Variants in CRY1 observed in about 807,000 individuals in gnomAD.
CRY1 encodes the protein cryptochrome circadian regulator 1, also known as cryptochrome-1.
CRY1 carries 45 observed loss-of-function variants against 76.0 expected under a neutral mutation model. The observed-to-expected ratio is 0.59, with a 90% CI of 0.47 to 0.76. The LOEUF is 0.76. Ranked by LOEUF, CRY1 falls within the 30% of genes least tolerant of loss-of-function variation. The pLI is 0.00. For missense variants in CRY1, 587 were observed against 716.4 expected, an observed-to-expected ratio of 0.82 and a Z score of 2.06; for synonymous variants, 248 against 244.0, an observed-to-expected ratio of 1.02 and a Z score of -0.15.
chr12:107,083,460 C>T (rs752901682), intron 1 of CRY1, among the ~76,000 whole-genome samples: 6 of 152,068 alleles, frequency 3.9e-5, no homozygotes, highest in African/African-American at 1.2e-4. Context: ...ACTGGCAAAC[C>T]GAATCTAGCA....
chr12:107,091,371 C>T (rs1953469839), intron 1 of CRY1, among the ~76,000 whole-genome samples: 1 of 152,170 alleles, frequency 6.6e-6, no homozygotes, highest in African/African-American at 2.4e-5. Context: ...AATCTGCCAA[C>T]AAATACCCTG....
chr12:107,069,392 T>C (rs1006649504), intron 1 of CRY1, among the ~76,000 whole-genome samples: 4 of 151,316 alleles, frequency 2.6e-5, no homozygotes, highest in Non-Finnish European at 5.9e-5. Context: ...GCCCAGCTAA[T>C]TTTTTGTATA....
intron 1 of CRY1, among the ~76,000 whole-genome samples, chr12:107,064,865 G>A (rs1356395465): frequency 6.6e-6 from 1 of 152,206 alleles, no homozygotes. Flanking sequence ...AATTCCACCA[G>A]ATTATCATGC....
intron 1 of CRY1, among the ~76,000 whole-genome samples, chr12:107,044,811 A>G (rs933221392): frequency 6.6e-6 from 1 of 152,220 alleles, no homozygotes; most frequent in Admixed American, 6.5e-5. Context: ...AAGTTATTTG[A>G]AATTTGTCAT....
At chr12:107,092,318 C>T (rs560211843) in intron 1 of CRY1, among the ~76,000 whole-genome samples, 12 of 152,314 alleles carry the variant, frequency 7.9e-5, no homozygotes, top group African/African-American at 2.9e-4. Flanking sequence ...AATGCTGTTT[C>T]CCTTGCTTTT....
At chr12:107,072,025 T>C (rs1325049825) in intron 1 of CRY1, among the ~76,000 whole-genome samples, 1 of 152,184 alleles carries the variant, frequency 6.6e-6, no homozygotes, top group East Asian at 1.9e-4. Context: ...ATTGGAAGAA[T>C]ATAGGAGTAT....
chr12:107,047,585 A>C (rs1167118084), intron 1 of CRY1, among the ~76,000 whole-genome samples: 1 of 152,112 alleles, frequency 6.6e-6, no homozygotes, highest in Non-Finnish European at 1.5e-5. Flanking sequence ...ATGATTTTAT[A>C]AGAAGCTTCC....
At chr12:107,085,002 G>T (rs1231509021) in intron 1 of CRY1, among the ~76,000 whole-genome samples, 3 of 151,278 alleles carry the variant, frequency 2.0e-5, no homozygotes, top group Non-Finnish European at 2.9e-5. Context: ...CAAAAAGTGG[G>T]TGAAGGATAT....
At chr12:107,064,983 A>G (rs1248552000) in intron 1 of CRY1, among the ~76,000 whole-genome samples, 1 of 152,108 alleles carries the variant, frequency 6.6e-6, no homozygotes, top group African/African-American at 2.4e-5. Context: ...AGGACTGCTG[A>G]TAAGTTCTGA....
At chr12:107,046,354 A>G (rs1481047374) in intron 1 of CRY1, among the ~76,000 whole-genome samples, 1 of 152,064 alleles carries the variant, frequency 6.6e-6, no homozygotes, top group Admixed American at 6.6e-5. Context: ...AATCACTATC[A>G]CGTAAATATG....
intron 1 of CRY1, among the ~76,000 whole-genome samples, chr12:107,072,550 A>G (rs1953202500): frequency 6.6e-6 from 1 of 152,200 alleles, no homozygotes; most frequent in African/African-American, 2.4e-5. Flanking sequence ...TGTTATTTAT[A>G]CTGTTGGGGG....
intron 2 of CRY1, among the ~76,000 whole-genome samples, chr12:107,019,052 A>C (rs1406176219): frequency 6.6e-6 from 1 of 152,184 alleles, no homozygotes; most frequent in Non-Finnish European, 1.5e-5. Context: ...TTACCTATTA[A>C]AAATCCTCAC....
chr12:107,086,109 A>T (rs1953397723), intron 1 of CRY1, among the ~76,000 whole-genome samples: 1 of 152,350 alleles, frequency 6.6e-6, no homozygotes, highest in East Asian at 1.9e-4. Flanking sequence ...GGACTTTGTA[A>T]AAGGCTGAAC....
chr12:107,063,857 CA>C (rs1313364545), intron 1 of CRY1, among the ~76,000 whole-genome samples: 2 of 152,074 alleles, frequency 1.3e-5, no homozygotes, highest in African/African-American at 2.4e-5. Flanking sequence ...CTCAGCCTCC[CA>C]AAGTGCTGGG....
Position 107,035,212 on chromosome 12 carries a change from A to T in CRY1, c.159-13020T>A, listed in dbSNP as rs373351289. Among the ~76,000 whole-genome samples, 62 of 152,338 alleles carry T rather than the reference A, an allele frequency of 4.1e-4. 2 individuals are homozygous for T. The South Asian group carries it at 0.013, about 31-fold the overall frequency. Reference sequence around the variant, plus strand: ...TTCCACTTTTTTTGATCTATGACTTAGCACATGTAACTATTCAGGTCTGTT... The same window carrying T: ...TTCCACTTTTTTTGATCTATGACTTTGCACATGTAACTATTCAGGTCTGTT... On this transcript the variant is annotated intron_variant, in intron 1 of 12. Transcript: ENST00000008527.
intron 1 of CRY1, among the ~76,000 whole-genome samples, chr12:107,063,390 G>A (rs1953071411): frequency 6.6e-6 from 1 of 152,186 alleles, no homozygotes; most frequent in Non-Finnish European, 1.5e-5. Context: ...CTGGAACTCA[G>A]GAGAATTAGG....
chr12:107,047,046 C>T (rs10437895), intron 1 of CRY1, among the ~76,000 whole-genome samples: 73,605 of 152,012 alleles, frequency 0.48, 19,285 homozygotes, highest in East Asian at 0.72. Context: ...ACATTTAGAA[C>T]ACTTCGTTCC....
At chr12:107,054,752 C>T (rs968865181) in intron 1 of CRY1, among the ~76,000 whole-genome samples, 3 of 151,214 alleles carry the variant, frequency 2.0e-5, no homozygotes, top group African/African-American at 7.3e-5. Context: ...AAGAAATATA[C>T]TATAAAGTCA....
chr12:107,038,437 G>A (rs957881604), intron 1 of CRY1, among the ~76,000 whole-genome samples: 2 of 152,140 alleles, frequency 1.3e-5, no homozygotes, highest in African/African-American at 4.8e-5. Flanking sequence ...CAGTGGCAAA[G>A]GATAGATGTA....
Sources: gnomAD v4.1 joint callset for allele counts (sites outside exome capture counted in the v4.1 genomes callset) on GRCh38, gnomAD v4.1.1 for gene constraint, MANE v1.5 for transcripts, NCBI Gene and HGNC (gene_info 2026-07-23, HGNC 2026-07-21) for gene names.